ARHGEF3: variants seen among roughly 807,000 people sequenced by gnomAD.
The protein encoded by ARHGEF3 is Rho guanine nucleotide exchange factor 3.
Under a neutral mutation model 63.2 loss-of-function variants are expected in ARHGEF3, and 28 were observed. The observed-to-expected ratio is 0.44, with a 90% confidence interval of 0.33 to 0.61. The LOEUF (loss-of-function observed/expected upper bound fraction) is 0.61, where lower values mean the gene tolerates loss of function less well. ARHGEF3 is among the 20% of genes least tolerant of loss of function. The pLI, the probability that ARHGEF3 is intolerant of heterozygous loss-of-function variation, is 0.03. For synonymous variants in ARHGEF3, 266 were observed against 254.2 expected (o/e 1.05, Z -0.44); for missense variants, 533 against 659.3 (o/e 0.81, Z 2.10).
chr3:56,920,658 T>C (rs1298870554), intron 3 of ARHGEF3, among the ~76,000 whole-genome samples: 1 of 152,200 alleles, frequency 6.6e-6, no homozygotes, highest in Non-Finnish European at 1.5e-5. Flanking sequence ...CACAAAATCT[T>C]ACAGTTGGAA....
intron 7 of ARHGEF3, among the ~76,000 whole-genome samples, chr3:56,738,012 G>A (rs892861915): frequency 2.6e-5 from 4 of 151,982 alleles, no homozygotes; most frequent in Admixed American, 1.3e-4. Context: ...GGGATTACAG[G>A]TGTCTGCCAT....
chr3:56,891,463 C>A (rs1307533090), intron 3 of ARHGEF3, among the ~76,000 whole-genome samples: 2 of 151,552 alleles, frequency 1.3e-5, no homozygotes, highest in Non-Finnish European at 1.5e-5. Flanking sequence ...AATGGGAAAT[C>A]ATGATGTTTT....
intron 2 of ARHGEF3, among the ~76,000 whole-genome samples, chr3:56,767,936 C>CG (rs1559920981): frequency 6.6e-6 from 1 of 151,790 alleles, no homozygotes; most frequent in East Asian, 1.9e-4. Flanking sequence ...TTGGTAGAGA[C>CG]GGGGTTTCAC....
intron 3 of ARHGEF3, among the ~76,000 whole-genome samples, chr3:56,931,142 C>T (rs974375817): frequency 1.1e-4 from 16 of 152,180 alleles, no homozygotes; most frequent in Non-Finnish European, 2.2e-4. Context: ...CTTTTCCCTC[C>T]TTGAGAAGTT....
intron 9 of ARHGEF3, among the ~76,000 whole-genome samples, chr3:56,730,682 A>G (rs947591263): frequency 6.6e-6 from 1 of 152,066 alleles, no homozygotes; most frequent in African/African-American, 2.4e-5. Flanking sequence ...TGCCTGGCCT[A>G]TTTAATCTAA....
chr3:57,077,698 A>G (rs1479936177), intron 1 of ARHGEF3, among the ~76,000 whole-genome samples: 2 of 152,156 alleles, frequency 1.3e-5, no homozygotes, highest in African/African-American at 4.8e-5. Flanking sequence ...CCCAAGGCTT[A>G]AAAGAATCAA....
At chr3:56,899,299 T>G (rs1275472200) in intron 3 of ARHGEF3, among the ~76,000 whole-genome samples, 2 of 152,222 alleles carry the variant, frequency 1.3e-5, no homozygotes, top group Non-Finnish European at 2.9e-5. Context: ...GAGAGTCAGC[T>G]TATGTTCTTT....
chr3:56,778,084 G>C (rs1008606517), intron 1 of ARHGEF3, among the ~76,000 whole-genome samples: 1 of 152,164 alleles, frequency 6.6e-6, no homozygotes, highest in Non-Finnish European at 1.5e-5. Flanking sequence ...GGCTTTCATT[G>C]TCCTCATGTT....
At chr3:56,805,344 C>T (rs2037823578), upstream of ARHGEF3, among the ~76,000 whole-genome samples, 1 of 152,200 alleles carries the variant, frequency 6.6e-6, no homozygotes, top group Non-Finnish European at 1.5e-5. Flanking sequence ...AAGCAATCCT[C>T]CCGCCTCAGC....
chr3:56,990,401 T>C (rs1265455764), intron 2 of ARHGEF3, among the ~76,000 whole-genome samples: 1 of 152,208 alleles, frequency 6.6e-6, no homozygotes, highest in Non-Finnish European at 1.5e-5. Context: ...CTGGCCAATA[T>C]GGTGAAACTC....
chr3:56,824,575 A>G (rs968181556), intron 4 of ARHGEF3, among the ~76,000 whole-genome samples: 1 of 152,178 alleles, frequency 6.6e-6, no homozygotes, highest in Non-Finnish European at 1.5e-5. Context: ...AATTTGCTTA[A>G]AAGCCTAGCC....
At chr3:56,734,118 T>C (rs1331817459) in intron 8 of ARHGEF3, among the ~76,000 whole-genome samples, 1 of 150,936 alleles carries the variant, frequency 6.6e-6, no homozygotes, top group Admixed American at 6.6e-5. Flanking sequence ...ATTGCAAAAA[T>C]GAAGGCTTGT....
At chr3:56,848,168 T>C (rs1022545053) in intron 4 of ARHGEF3, among the ~76,000 whole-genome samples, 2 of 152,132 alleles carry the variant, frequency 1.3e-5, no homozygotes, top group Non-Finnish European at 2.9e-5. Flanking sequence ...ATAGGGTGTC[T>C]GGAATTTGCT....
At chr3:56,777,839 G>A (rs1308884828) in intron 1 of ARHGEF3, among the ~76,000 whole-genome samples, 5 of 152,200 alleles carry the variant, frequency 3.3e-5, no homozygotes, top group African/African-American at 7.2e-5. Flanking sequence ...CTGCTGCATT[G>A]CAGGGCAGTG....
At chr3:56,925,763 A>G (rs1003349107) in intron 3 of ARHGEF3, among the ~76,000 whole-genome samples, 1 of 152,184 alleles carries the variant, frequency 6.6e-6, no homozygotes, top group African/African-American at 2.4e-5. Flanking sequence ...ACAGGTTCTT[A>G]CCACAATACT....
At chr3:56,934,731 C>T (rs547677137) in intron 3 of ARHGEF3, among the ~76,000 whole-genome samples, 4 of 152,234 alleles carry the variant, frequency 2.6e-5, no homozygotes, top group South Asian at 2.1e-4. Context: ...TGCAGCCCGC[C>T]GTGCCTGAGC....
chr3:56,855,512 C>T (rs543342638), intron 4 of ARHGEF3, among the ~76,000 whole-genome samples: 2 of 151,638 alleles, frequency 1.3e-5, no homozygotes, highest in Middle Eastern at 6.8e-3. Flanking sequence ...GGTAAAACCC[C>T]TCTCTACTAA....
In ARHGEF3 at chr3:56,824,496, G is replaced by A. The variant is rs149619986; in HGVS notation, c.193-50680C>T. ...TCTAATGACTCCCATTATAGATGAG[G>A]AAACTGAGATTCGGTCAGGCTCTAC... On this transcript the variant is annotated intron_variant, in intron 4 of 12. Coordinates refer to the ARHGEF3 transcript ENST00000338458. Among the ~76,000 whole-genome samples, 386 of 152,294 alleles carry A rather than the reference G, an allele frequency of 2.5e-3. 1 individual carries two copies. Among genetic ancestry groups the A allele is most frequent in the African/African-American group, 8.7e-3 (363 of 41,554 alleles).
intron 3 of ARHGEF3, among the ~76,000 whole-genome samples, chr3:56,945,930 C>G (rs572737006): frequency 2.6e-5 from 4 of 152,200 alleles, no homozygotes; most frequent in African/African-American, 9.6e-5. Flanking sequence ...TCAGACAAAA[C>G]TTCCAGAGGA....
Sources: allele counts gnomAD v4.1 joint callset (sites outside exome capture counted in the v4.1 genomes callset), GRCh38; gene constraint gnomAD v4.1.1; transcripts MANE v1.5; gene names NCBI Gene and HGNC (gene_info 2026-07-23, HGNC 2026-07-21).